Variants in TMEM132D observed in about 807,000 individuals in gnomAD.
TMEM132D encodes mature OL transmembrane protein.
TMEM132D carries 21 observed loss-of-function variants against 62.3 expected under a neutral mutation model. That is an observed-to-expected ratio of 0.34 (90% CI 0.24 to 0.49). The LOEUF (loss-of-function observed/expected upper bound fraction) is 0.49. Among genes scored for constraint, TMEM132D ranks in the 20% least tolerant of loss-of-function variants. TMEM132D has a pLI of 0.99. For missense variants in TMEM132D, 1,346 were observed against 1,402.8 expected, an observed-to-expected ratio of 0.96 and a Z score of 0.65; for synonymous variants, 621 against 575.6, an observed-to-expected ratio of 1.08 and a Z score of -1.13.
intron 1 of TMEM132D, among the ~76,000 whole-genome samples, chr12:129,747,575 C>A (rs574437456): frequency 6.6e-6 from 1 of 151,424 alleles, no homozygotes; most frequent in South Asian, 2.1e-4. Flanking sequence ...TTCAGACACA[C>A]ACACACACGC....
At position 129,570,158 on chromosome 12, in the gene TMEM132D, T is replaced by C. The variant is rs190051737; in HGVS notation, c.969-38953A>G. Reference sequence around the variant, plus strand: ...CAGACCAGTGAAGATGCTTGTGGCTTGAAGTAACAGAAGACGATCTAGAAG... The same window carrying C: ...CAGACCAGTGAAGATGCTTGTGGCTCGAAGTAACAGAAGACGATCTAGAAG... On this transcript the variant is annotated intron_variant, in intron 2 of 8. Transcript: ENST00000422113. Among the ~76,000 whole-genome samples the C allele has an allele frequency of 2.8e-4, 43 of 152,318 alleles. No homozygotes were observed. The East Asian group carries it at 4.1e-3, about 14-fold the overall frequency.
At chr12:129,517,556 A>C (rs1306882203) in intron 3 of TMEM132D, among the ~76,000 whole-genome samples, 2 of 152,194 alleles carry the variant, frequency 1.3e-5, no homozygotes, top group Non-Finnish European at 2.9e-5. Flanking sequence ...CTGGGATGGC[A>C]ACTGCTGACC....
Position 129,134,136 on chromosome 12 carries a change from GTGTGTGTGTGTCTGTGTC to G in TMEM132D, c.1444-49452_1444-49435del, listed in dbSNP as rs1366556881. Among the ~76,000 whole-genome samples the G allele has an allele frequency of 3.1e-5, 3 of 95,400 alleles. No individual in the cohort carries two copies. In the Admixed American group the frequency reaches 3.2e-4, roughly 10 times the overall value. 62.6% of individuals were successfully genotyped at this position (95,400 alleles called of 152,430 possible). ...GTGTGTTGTGTGTGTGTGTGTGTCT[GTGTGTGTGTGTCTGTGTC>G]TGTGTGTGTGTCTGTGTGTGTGTGT... On this transcript the variant is annotated intron_variant, in intron 5 of 8. Coordinates refer to ENST00000422113, the MANE Select transcript of TMEM132D (RefSeq NM_133448.3).
chr12:129,183,341 C>T (rs112202912), intron 5 of TMEM132D, among the ~76,000 whole-genome samples: 10 of 152,208 alleles, frequency 6.6e-5, no homozygotes, highest in African/African-American at 1.9e-4. Flanking sequence ...GCTCCTAAAA[C>T]AAGAGCCTGC....
At chr12:129,194,882 C>G (rs1389240398) in intron 5 of TMEM132D, among the ~76,000 whole-genome samples, 3 of 152,062 alleles carry the variant, frequency 2.0e-5, no homozygotes, top group African/African-American at 7.2e-5. Flanking sequence ...TATGTGACAA[C>G]CAAGAGAGAT....
In TMEM132D at chr12:129,859,018, A is replaced by AGTCCGGGGGAACGGGATGGGTGCCCTT. The variant is rs1566010681; in HGVS notation, c.79+44242_79+44243insAAGGGCACCCATCCCGTTCCCCCGGAC. Among the ~76,000 whole-genome samples, 8 of 52,972 alleles carry AGTCCGGGGGAACGGGATGGGTGCCCTT rather than the reference A, an allele frequency of 1.5e-4. 2 individuals carry two copies. Among genetic ancestry groups the AGTCCGGGGGAACGGGATGGGTGCCCTT allele is most frequent in the Non-Finnish European group, 1.2e-4 (3 of 24,974 alleles). The allele number at this position is 52,972 out of a possible 152,430, so 34.8% of individuals were successfully genotyped here. On this transcript the variant is annotated intron_variant, in intron 1 of 8. Coordinates refer to ENST00000422113, the MANE Select transcript of TMEM132D (RefSeq NM_133448.3). ...TCCGGGGGAACGGGATGGGTGCCCTAGTAACGGAGTCCGGGGGAACGGGAT... is the reference window on the plus strand; with the variant it reads ...TCCGGGGGAACGGGATGGGTGCCCTAGTCCGGGGGAACGGGATGGGTGCCCTTGTAACGGAGTCCGGGGGAACGGGAT...
At chr12:129,752,592 A>T (rs546267506) in intron 1 of TMEM132D, among the ~76,000 whole-genome samples, 1 of 152,312 alleles carries the variant, frequency 6.6e-6, no homozygotes, top group South Asian at 2.1e-4. Flanking sequence ...TTCGATTAGG[A>T]CTGTCTAGCC....
intron 5 of TMEM132D, among the ~76,000 whole-genome samples, chr12:129,145,571 C>T (rs995049196): frequency 6.6e-6 from 1 of 152,036 alleles, no homozygotes; most frequent in African/African-American, 2.4e-5. Context: ...CTGTCTCCTG[C>T]CAAGATCTTC....
At chr12:129,348,203 G>A (rs546865385) in intron 3 of TMEM132D, among the ~76,000 whole-genome samples, 9 of 152,250 alleles carry the variant, frequency 5.9e-5, no homozygotes, top group African/African-American at 1.9e-4. Flanking sequence ...TCCCATTACT[G>A]GGTATATACC....
At chr12:129,261,715 C>T (rs1316649106) in intron 4 of TMEM132D, among the ~76,000 whole-genome samples, 12 of 152,154 alleles carry the variant, frequency 7.9e-5, no homozygotes, top group Non-Finnish European at 4.4e-5. Flanking sequence ...TGTCCCTGTG[C>T]CTTTGCAAGG....
At chr12:129,289,550 AAAAAAAAAAAAAAAG>A (rs1213072968) in intron 4 of TMEM132D, among the ~76,000 whole-genome samples, 2 of 147,588 alleles carry the variant, frequency 1.4e-5, no homozygotes, top group Non-Finnish European at 3.0e-5. Context: ...ATCTCAATAA[AAAAAAAAAAAAAAAG>A]AAAAAAAAGA....
chr12:129,098,036 A>G (rs1875171295), intron 5 of TMEM132D, among the ~76,000 whole-genome samples: 1 of 152,238 alleles, frequency 6.6e-6, no homozygotes, highest in East Asian at 1.9e-4. Context: ...TAGGAATTTT[A>G]TCATTTTGCA....
chr12:129,678,301 A>G (rs1880689922), intron 2 of TMEM132D, among the ~76,000 whole-genome samples: 1 of 152,150 alleles, frequency 6.6e-6, no homozygotes, highest in African/African-American at 2.4e-5. Flanking sequence ...CACATCCTCA[A>G]CAACTTATCT....
chr12:129,150,994 T>C (rs974869774), intron 5 of TMEM132D, among the ~76,000 whole-genome samples: 13 of 152,138 alleles, frequency 8.5e-5, no homozygotes, highest in Non-Finnish European at 1.5e-4. Context: ...TGCCGGCTTG[T>C]ATCTGTCCCC....
At chr12:129,166,499 G>A (rs1877555264) in intron 5 of TMEM132D, among the ~76,000 whole-genome samples, 1 of 151,810 alleles carries the variant, frequency 6.6e-6, no homozygotes, top group African/African-American at 2.4e-5. Flanking sequence ...AAATGTGTAA[G>A]TATTTAAATG....
chr12:129,636,617 C>A (rs1432786209), intron 2 of TMEM132D, among the ~76,000 whole-genome samples: 1 of 151,128 alleles, frequency 6.6e-6, no homozygotes, highest in Non-Finnish European at 1.5e-5. Context: ...TTTGTCAAAG[C>A]AAAGACTTTT....
At chr12:129,116,252 C>A (rs1201369297) in intron 5 of TMEM132D, among the ~76,000 whole-genome samples, 1 of 152,124 alleles carries the variant, frequency 6.6e-6, no homozygotes, top group East Asian at 1.9e-4. Context: ...ATGGTGAGAC[C>A]TTATGGCATG....
At chr12:129,571,588 A>G (rs963556146) in intron 2 of TMEM132D, among the ~76,000 whole-genome samples, 5 of 152,010 alleles carry the variant, frequency 3.3e-5, no homozygotes, top group Non-Finnish European at 7.4e-5. Context: ...AAATAATAAT[A>G]ATAAAAAAGA....
At chr12:129,256,950 T>C (rs949297587) in intron 4 of TMEM132D, among the ~76,000 whole-genome samples, 3 of 152,194 alleles carry the variant, frequency 2.0e-5, no homozygotes, top group South Asian at 2.1e-4. Flanking sequence ...CTTGAGCAGA[T>C]TCTTCAAGAG....
Sources: gnomAD v4.1 joint callset for allele counts (sites outside exome capture counted in the v4.1 genomes callset) on GRCh38, gnomAD v4.1.1 for gene constraint, MANE v1.5 for transcripts, NCBI Gene and HGNC (gene_info 2026-07-23, HGNC 2026-07-21) for gene names.